The following SNX18 variants were observed in gnomAD, a reference collection of about 807,000 sequenced individuals.
SNX18 encodes sorting nexin-18.
A neutral mutation model predicts 48.7 loss-of-function variants in SNX18; 35 were observed. That is an observed-to-expected ratio of 0.72 (90% confidence interval 0.55 to 0.95). SNX18 has a LOEUF of 0.95. SNX18 is among the 40% of genes least tolerant of loss of function. SNX18 has a pLI of 0.00. For missense variants in SNX18, 824 were observed against 871.0 expected, an observed-to-expected ratio of 0.95 and a Z score of 0.68; for synonymous variants, 492 against 384.7, an observed-to-expected ratio of 1.28 and a Z score of -3.26.
At chr5:54,554,745 CT>C in the SNX18 span, among the ~76,000 whole-genome samples, 2 of 152,064 alleles carry the variant, frequency 1.3e-5, no homozygotes, top group Non-Finnish European at 2.9e-5. Context: ...TGCATCATGC[CT>C]TTAAAAAACC....
rs1428408506 is a variant in SNX18, at chr5:54,519,511, A to T, written c.1559A>T (p.Asp520Val). The T allele has an allele frequency of 6.2e-7, 1 of 1,614,000 alleles. No individual in the cohort carries two copies. The highest frequency in any genetic ancestry group is 8.5e-7 in the Non-Finnish European group (1 of 1,180,014). ...QPRQDLDPVM[D>V]LLALYQGHLA... ...AGGCAGGACCTGGATCCCGTCATGG[A>T]CCTATTAGCGCTGTATCAGGGGCAT... Residue 520 changes from aspartate (D) to valine (V), a missense_variant, in exon 1 of 2, where the codon GAC becomes GTC. Coordinates refer to ENST00000381410, the MANE Select transcript of SNX18 (RefSeq NM_001102575.2).
chr5:54,536,129 G>C (rs72765740), intron 1 of SNX18, among the ~76,000 whole-genome samples: 8,950 of 152,242 alleles, frequency 0.059, 361 homozygotes, highest in Middle Eastern at 0.11. Flanking sequence ...CTCAGCCTAG[G>C]CGGCACTCTG....
chr5:54,540,218 T>TC (rs779160098), intron 1 of SNX18, among the ~76,000 whole-genome samples: 184 of 143,086 alleles, frequency 1.3e-3, no homozygotes, highest in Non-Finnish European at 2.2e-3. Flanking sequence ...GTTCTTTTTT[T>TC]TTTTCTTCTT....
the SNX18 span, among the ~76,000 whole-genome samples, chr5:54,615,853 T>G: frequency 2.6e-5 from 4 of 152,206 alleles, no homozygotes; most frequent in Non-Finnish European, 4.4e-5. Flanking sequence ...TAGTGGCATG[T>G]TGATTAACAT....
chr5:54,619,665 G>T, the SNX18 span, among the ~76,000 whole-genome samples: 6 of 152,148 alleles, frequency 3.9e-5, no homozygotes, highest in African/African-American at 1.2e-4. Flanking sequence ...AGATCTCAAT[G>T]AATTAGAAGT....
At chr5:54,604,431 C>T in the SNX18 span, among the ~76,000 whole-genome samples, 9,870 of 152,180 alleles carry the variant, frequency 0.065, 423 homozygotes, top group East Asian at 0.19. Flanking sequence ...ATACTATTGT[C>T]TTAAGAAAGA....
chr5:54,611,691 C>A, the SNX18 span, among the ~76,000 whole-genome samples: 1 of 152,034 alleles, frequency 6.6e-6, no homozygotes, highest in Non-Finnish European at 1.5e-5. Context: ...TTAGCTTATT[C>A]CTGAAAGCAT....
chr5:54,519,746 A>T (rs764562350), intron 1 of SNX18, 173 bp downstream of exon 1: 3 of 1,614,196 alleles, frequency 1.9e-6, no homozygotes, highest in Admixed American at 1.7e-5. Context: ...ATTGCTCGAC[A>T]GGCAGCTTCC....
In SNX18 at chr5:54,545,421, T is replaced by G. The variant is rs1329693410; in HGVS notation, c.*1989T>G. On this transcript the variant is annotated 3_prime_UTR_variant, in exon 2 of 2. Coordinates refer to ENST00000381410, the MANE Select transcript of SNX18 (RefSeq NM_001102575.2). Reference sequence around the variant, plus strand: ...TTGATGGTGGTTGGATTTTTTTTTTTTTAATAGTAAAATCACTAAACTTGT... The same window carrying G: ...TTGATGGTGGTTGGATTTTTTTTTTGTTAATAGTAAAATCACTAAACTTGT... 2 of 152,122 alleles carry G rather than the reference T, an allele frequency of 1.3e-5. No homozygotes were observed. Among genetic ancestry groups the G allele is most frequent in the Non-Finnish European group, 2.9e-5 (2 of 68,002 alleles). The allele number at this position is 152,122 out of a possible 1,614,324, so 9.4% of individuals were successfully genotyped here. A position where few individuals can be genotyped will look rare whatever the true frequency, so the allele number is the denominator to read the frequency against.
the SNX18 span, among the ~76,000 whole-genome samples, chr5:54,596,556 T>C: frequency 2.0e-5 from 3 of 152,186 alleles, no homozygotes; most frequent in Non-Finnish European, 4.4e-5. Context: ...GTGAAGTTCA[T>C]ACTCATTGCT....
chr5:54,540,699 A>G (rs972327691), intron 1 of SNX18, among the ~76,000 whole-genome samples: 1 of 151,860 alleles, frequency 6.6e-6, no homozygotes, highest in Non-Finnish European at 1.5e-5. Flanking sequence ...GTTCTCTATG[A>G]TGAAAAGCTG....
chr5:54,558,557 C>T, the SNX18 span, among the ~76,000 whole-genome samples: 4 of 152,170 alleles, frequency 2.6e-5, no homozygotes, highest in African/African-American at 9.7e-5. Flanking sequence ...AAATGCTCCA[C>T]CTGTTCCTCC....
the SNX18 span, among the ~76,000 whole-genome samples, chr5:54,626,018 A>T: frequency 6.6e-6 from 1 of 152,234 alleles, no homozygotes; most frequent in Non-Finnish European, 1.5e-5. Flanking sequence ...TGATCCAGAT[A>T]TATCTAGAGC....
At chr5:54,548,522 T>A (rs563830099), downstream of SNX18, among the ~76,000 whole-genome samples, 1 of 152,356 alleles carries the variant, frequency 6.6e-6, no homozygotes, top group Admixed American at 6.5e-5. Flanking sequence ...CAGATCCTAG[T>A]TGCTCCACTC....
At chr5:54,636,531 G>A in the SNX18 span, among the ~76,000 whole-genome samples, 5 of 152,114 alleles carry the variant, frequency 3.3e-5, no homozygotes, top group South Asian at 8.3e-4. Context: ...AAACCTGTAC[G>A]TTGTTCATGC....
the SNX18 span, among the ~76,000 whole-genome samples, chr5:54,556,776 CA>C: frequency 6.6e-6 from 1 of 152,134 alleles, no homozygotes; most frequent in East Asian, 1.9e-4. Context: ...GGGGTATGCA[CA>C]AAAAACTTCA....
the SNX18 span, among the ~76,000 whole-genome samples, chr5:54,615,437 C>CTTTTAAA: frequency 6.6e-6 from 1 of 151,394 alleles, no homozygotes. Context: ...TTTTAAAAAT[C>CTTTTAAA]CAGCTTGGGT....
chr5:54,619,411 T>C, the SNX18 span, among the ~76,000 whole-genome samples: 2 of 152,132 alleles, frequency 1.3e-5, no homozygotes, highest in Admixed American at 6.6e-5. Context: ...CTCGGGAGGC[T>C]GAGGTGGGAG....
the SNX18 span, among the ~76,000 whole-genome samples, chr5:54,613,313 G>T: frequency 1.3e-5 from 2 of 151,932 alleles, no homozygotes; most frequent in Non-Finnish European, 2.9e-5. Context: ...GACGTTCAAG[G>T]TTGAAGGGCT....
Sources: gnomAD v4.1 joint callset for allele counts (sites outside exome capture counted in the v4.1 genomes callset) on GRCh38, gnomAD v4.1.1 for gene constraint, MANE v1.5 for transcripts, NCBI Gene and HGNC (gene_info 2026-07-23, HGNC 2026-07-21) for gene names.